BMPR1B: variants seen among roughly 807,000 people sequenced by gnomAD.
BMPR1B encodes the protein bone morphogenetic protein receptor type-1B.
Under a neutral mutation model 59.1 loss-of-function variants are expected in BMPR1B, and 12 were observed. The observed-to-expected ratio is 0.20, with a 90% CI of 0.13 to 0.33. The LOEUF (loss-of-function observed/expected upper bound fraction) is 0.33. BMPR1B is among the 10% of genes least tolerant of loss of function. The pLI is 1.00. For synonymous variants in BMPR1B, 237 were observed against 207.3 expected (o/e 1.14, Z -1.23); for missense variants, 550 against 610.9 (o/e 0.90, Z 1.05).
chr4:95,078,628 G>T (rs1728883685), intron 3 of BMPR1B, among the ~76,000 whole-genome samples: 1 of 152,192 alleles, frequency 6.6e-6, no homozygotes, highest in Non-Finnish European at 1.5e-5. Flanking sequence ...GTAATGTGCT[G>T]CCAAGGTTAC....
intron 1 of BMPR1B, among the ~76,000 whole-genome samples, chr4:94,819,637 T>C (rs1343026453): frequency 6.6e-6 from 1 of 152,188 alleles, no homozygotes; most frequent in Non-Finnish European, 1.5e-5. Context: ...GGACCTAGAT[T>C]TGAGACCCTT....
At chr4:94,807,849 C>A (rs1723669674) in intron 1 of BMPR1B, among the ~76,000 whole-genome samples, 1 of 151,906 alleles carries the variant, frequency 6.6e-6, no homozygotes, top group Admixed American at 6.6e-5. Context: ...CATGCCTGGC[C>A]AATTTTTGTT....
intron 3 of BMPR1B, among the ~76,000 whole-genome samples, chr4:95,000,816 A>G (rs1031148600): frequency 1.3e-5 from 2 of 152,214 alleles, no homozygotes. Flanking sequence ...AATGAGGCAT[A>G]AAGGATTTTA....
intron 2 of BMPR1B, among the ~76,000 whole-genome samples, chr4:94,923,058 C>G (rs188907395): frequency 6.6e-6 from 1 of 152,100 alleles, no homozygotes; most frequent in South Asian, 2.1e-4. Flanking sequence ...ACCTATTTTC[C>G]ACCATGGGTC....
intron 1 of BMPR1B, among the ~76,000 whole-genome samples, chr4:94,774,405 G>T (rs1451566703): frequency 6.6e-6 from 1 of 152,050 alleles, no homozygotes; most frequent in East Asian, 1.9e-4. Context: ...ATAGTGAATG[G>T]ATTAGGGTTC....
chr4:95,145,031 T>C (rs1489528569), intron 10 of BMPR1B, among the ~76,000 whole-genome samples: 2 of 152,186 alleles, frequency 1.3e-5, no homozygotes, highest in Non-Finnish European at 2.9e-5. Flanking sequence ...TATATACTTA[T>C]ATTTGTGATA....
intron 10 of BMPR1B, among the ~76,000 whole-genome samples, chr4:95,138,314 A>G (rs1354062117): frequency 1.3e-5 from 2 of 152,136 alleles, no homozygotes; most frequent in Non-Finnish European, 2.9e-5. Context: ...GGCTAACCCG[A>G]CCTTTCTCTC....
chr4:94,798,349 C>T (rs934607706), intron 1 of BMPR1B, among the ~76,000 whole-genome samples: 1 of 152,232 alleles, frequency 6.6e-6, no homozygotes, highest in Non-Finnish European at 1.5e-5. Context: ...GGGACTGCTG[C>T]TACCACTCCC....
At chr4:94,970,282 T>TTCTCTTCTCC (rs1730726856) in intron 2 of BMPR1B, among the ~76,000 whole-genome samples, 1 of 113,048 alleles carries the variant, frequency 8.8e-6, no homozygotes, top group Non-Finnish European at 1.9e-5. Context: ...TTCTCTTCTC[T>TTCTCTTCTCC]TCTCTTCTCT....
intron 1 of BMPR1B, among the ~76,000 whole-genome samples, chr4:94,804,090 G>C (rs1446690966): frequency 6.6e-6 from 1 of 152,166 alleles, no homozygotes; most frequent in Non-Finnish European, 1.5e-5. Flanking sequence ...GTGTTAGCCA[G>C]GATGGTCTCA....
intron 2 of BMPR1B, among the ~76,000 whole-genome samples, chr4:94,938,163 C>T (rs1729388364): frequency 6.6e-6 from 1 of 152,166 alleles, no homozygotes; most frequent in Non-Finnish European, 1.5e-5. Context: ...AGCTAGTCAT[C>T]TCCTCTCCAC....
At chr4:94,764,397 C>T (rs923557037) in intron 1 of BMPR1B, among the ~76,000 whole-genome samples, 4 of 152,158 alleles carry the variant, frequency 2.6e-5, no homozygotes, top group African/African-American at 9.7e-5. Context: ...CTCTATATAA[C>T]TCTTTCTTTC....
At chr4:94,940,885 C>A in intron 2 of BMPR1B, among the ~76,000 whole-genome samples, 1 of 151,858 alleles carries the variant, frequency 6.6e-6, no homozygotes, top group East Asian at 1.9e-4. Flanking sequence ...TTCTGGTTTT[C>A]TAATCCCCTG....
intron 3 of BMPR1B, among the ~76,000 whole-genome samples, chr4:95,054,509 G>A (rs1215171853): frequency 6.6e-6 from 1 of 152,112 alleles, no homozygotes; most frequent in African/African-American, 2.4e-5. Context: ...TCCTAATAGT[G>A]AAAATGTGAC....
rs1176123846 is a variant in BMPR1B at position 95,104,404 on chromosome 4, T to C, written c.-17-4T>C. ...TGCCTAACTCTCACTATTTCTTCTTTCAGCAAACTTCCTTGATAACATGCT... is the reference window on the plus strand; with the variant it reads ...TGCCTAACTCTCACTATTTCTTCTTCCAGCAAACTTCCTTGATAACATGCT... On this transcript the variant is annotated splice_polypyrimidine_tract_variant and splice_region_variant and intron_variant, in intron 3 of 12. Transcript: ENST00000515059. 6.2e-7 allele frequency: 1 copy of C among 1,612,684 alleles called. No homozygotes were observed. The highest frequency in any genetic ancestry group is 2.2e-5 in the East Asian group (1 of 44,792).
At chr4:95,120,261 A>G (rs1410092365) in intron 6 of BMPR1B, among the ~76,000 whole-genome samples, 1 of 152,162 alleles carries the variant, frequency 6.6e-6, no homozygotes, top group Non-Finnish European at 1.5e-5. Flanking sequence ...TGTTTATCCA[A>G]CACACCATTG....
At chr4:94,991,673 G>T (rs555003159) in intron 2 of BMPR1B, among the ~76,000 whole-genome samples, 1 of 152,194 alleles carries the variant, frequency 6.6e-6, no homozygotes, top group East Asian at 1.9e-4. Flanking sequence ...AAACTGAGGG[G>T]GTCCCTAGTC....
chr4:94,796,293 A>G (rs554474159), intron 1 of BMPR1B, among the ~76,000 whole-genome samples: 4 of 152,196 alleles, frequency 2.6e-5, no homozygotes, highest in Non-Finnish European at 4.4e-5. Context: ...AAAAAATACT[A>G]TCTGATTCTG....
chr4:94,926,712 G>A (rs570383011), intron 2 of BMPR1B, among the ~76,000 whole-genome samples: 93 of 151,950 alleles, frequency 6.1e-4, no homozygotes, highest in Non-Finnish European at 1.2e-3. Context: ...TTATAGGGGT[G>A]TGTGTGTGTG....
Sources: allele counts gnomAD v4.1 joint callset (sites outside exome capture counted in the v4.1 genomes callset), GRCh38; gene constraint gnomAD v4.1.1; transcripts MANE v1.5; gene names NCBI Gene and HGNC (gene_info 2026-07-23, HGNC 2026-07-21).